The following GOLIM4 variants were observed in gnomAD, a reference collection of about 807,000 sequenced individuals.
GOLIM4 encodes the protein 130 kDa golgi-localized phosphoprotein.
Under a neutral mutation model 107.4 loss-of-function variants are expected in GOLIM4, and 71 were observed. That is an observed-to-expected ratio of 0.66 (90% CI 0.55 to 0.81). GOLIM4 has a LOEUF of 0.81. Ranked by LOEUF, GOLIM4 falls within the 30% of genes least tolerant of loss-of-function variation. GOLIM4 has a pLI of 0.00. For missense variants in GOLIM4, 830 were observed against 826.1 expected (o/e 1.00, Z -0.06); for synonymous variants, 327 against 294.8 (o/e 1.11, Z -1.12).
intron 6 of GOLIM4, 135 bp from the exon 7 acceptor site, chr3:168,041,004 A>T: frequency 1.6e-6 from 1 of 626,766 alleles, no homozygotes; most frequent in Non-Finnish European, 2.9e-6. Flanking sequence ...TAAGTTTAAA[A>T]ATCATCGTAG....
Position 168,029,846 on chromosome 3 carries a change from C to T in GOLIM4, c.1367G>A (p.Arg456Lys), listed in dbSNP as rs1359265834. 1 of 1,614,050 alleles carries T rather than the reference C, an allele frequency of 6.2e-7. No individual in the cohort carries two copies. Among genetic ancestry groups the T allele is most frequent in the Non-Finnish European group, 8.5e-7 (1 of 1,180,046 alleles). ...AGCCTGCCTCTGCAGGGCCATCTCT[C>T]TTGCCACCTGCTGCTGCTGCTGTTC... is the stretch of plus-strand genomic sequence containing the variant. ...QQEQQQQQVA[R>K]EMALQRQAEL... The change falls in exon 10 of 16, where the codon AGA becomes AAA. Residue 456 changes from arginine to lysine, a missense_variant. Coordinates refer to ENST00000470487, the MANE Select transcript of GOLIM4 (RefSeq NM_014498.5).
chr3:168,035,422 A>G (rs142642657), intron 8 of GOLIM4, among the ~76,000 whole-genome samples: 18 of 152,358 alleles, frequency 1.2e-4, no homozygotes, highest in Admixed American at 2.6e-4. Flanking sequence ...AGACTTTGAT[A>G]AAGAAAAATG....
At chr3:168,061,170 T>C (rs1448400599) in intron 1 of GOLIM4, among the ~76,000 whole-genome samples, 3 of 149,722 alleles carry the variant, frequency 2.0e-5, no homozygotes, top group African/African-American at 7.4e-5. Flanking sequence ...GGGCAAAGAA[T>C]AGGAACAGCC....
Position 168,029,942 on chromosome 3 carries a change from G to T in GOLIM4, c.1271C>A (p.Ala424Asp), listed in dbSNP as rs770988483. 6.2e-7 allele frequency: 1 copy of T among 1,614,126 alleles called. No individual in the cohort carries two copies. The highest frequency in any genetic ancestry group is 8.5e-7 in the Non-Finnish European group (1 of 1,180,016). ...QRLAVQQVEEAQQLREHQEAL... is the reference protein window; with the variant it reads ...QRLAVQQVEEDQQLREHQEAL... ...TTCCTGGTGTTCCCGCAGCTGCTGG[G>T]CCTCCTCCACCTGCTGCACTGCCAG... The change falls in exon 10 of 16, where the codon GCC becomes GAC. Residue 424 changes from alanine (A) to aspartate (D), a missense_variant. By Grantham distance (126) the Ala-to-Asp change is moderately radical. Coordinates refer to ENST00000470487, the MANE Select transcript of GOLIM4 (RefSeq NM_014498.5).
chr3:168,020,935 A>AAT (rs1267364958), intron 14 of GOLIM4, among the ~76,000 whole-genome samples: 4 of 152,210 alleles, frequency 2.6e-5, no homozygotes, highest in Non-Finnish European at 5.9e-5. Flanking sequence ...ATTCTTTTAT[A>AAT]ATGTAGACAT....
chr3:168,089,513 A>G (rs932975802), intron 1 of GOLIM4, among the ~76,000 whole-genome samples: 3 of 152,238 alleles, frequency 2.0e-5, no homozygotes, highest in Admixed American at 6.5e-5. Context: ...TGATTATTAC[A>G]TATGAATAGA....
rs1718687379 is a variant in GOLIM4 at position 168,036,984 on chromosome 3, G to A, written c.695C>T (p.Ala232Val). The part of the protein sequence containing the change: ...SALAAAQTQV[A>V]EYKQLKDTLN... ...AGTATCTTTCAGTTGTTTATATTCT[G>A]CAACTTGAGTCTGCATATAAATTGC... Residue 232 changes from alanine to valine, a missense_variant, in exon 8 of 16, where the codon GCA becomes GTA. Physicochemically the swap from Ala to Val is moderately conservative, Grantham distance 64. Coordinates refer to ENST00000470487, the MANE Select transcript of GOLIM4 (RefSeq NM_014498.5). 3.1e-6 allele frequency: 5 copies of A among 1,611,502 alleles called. No homozygotes were observed. The East Asian group carries it at 1.1e-4, about 36-fold the overall frequency.
At chr3:168,041,163 A>G (rs1322297315) in intron 6 of GOLIM4, 2 of 521,920 alleles carry the variant, frequency 3.8e-6, no homozygotes, top group Non-Finnish European at 6.8e-6. Flanking sequence ...TTAATATGTA[A>G]CTAGCATGAG....
intron 1 of GOLIM4, among the ~76,000 whole-genome samples, chr3:168,050,410 A>G (rs1415624378): frequency 1.3e-5 from 2 of 152,200 alleles, no homozygotes; most frequent in African/African-American, 2.4e-5. Flanking sequence ...GGAAAGTGTA[A>G]GATTAGCCCT....
At chr3:168,043,553 GA>G in intron 4 of GOLIM4, 24 bp from the exon 5 acceptor site, 1 of 1,575,408 alleles carries the variant, frequency 6.3e-7, no homozygotes, top group Non-Finnish European at 8.6e-7. Context: ...AACTTGAGTA[GA>G]AATATACATT....
intron 1 of GOLIM4, among the ~76,000 whole-genome samples, chr3:168,092,398 A>T (rs151233571): frequency 6.6e-6 from 1 of 152,298 alleles, no homozygotes; most frequent in East Asian, 1.9e-4. Flanking sequence ...TCTTCTAGTT[A>T]TGGGGCTCTT....
Position 168,032,548 on chromosome 3 carries a change from T to G in GOLIM4, c.1148A>C (p.Asn383Thr). ...AGCACGCGCGTGCCCTTCCAGGAGG[T>G]TGGCTGCTTCTCGTTGCTCATGCTG... Reference protein sequence around the residue: ...KEQHEQREAANLLEGHARAEV... With the variant: ...KEQHEQREAATLLEGHARAEV... Residue 383 changes from asparagine to threonine, a missense_variant, in exon 9 of 16, where the codon AAC (asparagine) becomes ACC (threonine). By Grantham distance (65) the Asn-to-Thr change is moderately conservative. Transcript: ENST00000470487. The G allele has an allele frequency of 6.2e-7, 1 of 1,613,982 alleles. No individual in the cohort carries two copies. The highest frequency in any genetic ancestry group is 8.5e-7 in the Non-Finnish European group (1 of 1,179,990).
chr3:168,055,801 C>CA (rs35124035), intron 1 of GOLIM4, among the ~76,000 whole-genome samples: 8,198 of 103,920 alleles, frequency 0.079, 408 homozygotes, highest in African/African-American at 0.11. Flanking sequence ...GACTCTGTCT[C>CA]AAAAAAAAAA....
rs1337783702 is a variant in GOLIM4, at chr3:168,010,328, C to T, written c.2032G>A (p.Glu678Lys). Residue 678 changes from glutamate to lysine, a missense_variant, in exon 16 of 16, where the codon GAG (glutamate) becomes AAG (lysine). Transcript: ENST00000470487. ...ACTGCAGCCCCGTCTTCTTCCTCCT[C>T]TTCTTCCTCCTCGTAGTGTTCCTCT... The part of the protein sequence containing the change: ...GREEHYEEEE[E>K]EEEDGAAVAE... The T allele has an allele frequency of 6.2e-7, 1 of 1,614,012 alleles. No homozygotes were observed. The highest frequency in any genetic ancestry group is 1.1e-5 in the South Asian group (1 of 91,062).
chr3:168,010,868 G>A (rs1460495387), intron 14 of GOLIM4, 45 bp from the exon 15 acceptor site: 1 of 1,231,778 alleles, frequency 8.1e-7, no homozygotes, highest in Non-Finnish European at 1.2e-6. Flanking sequence ...TGTCTTTCAA[G>A]CACTTGCGAT....
chr3:168,044,901 AAG>A lies in GOLIM4; in HGVS notation c.313-22_313-21del. 1.4e-6 allele frequency: 2 copies of A among 1,438,188 alleles called. No homozygotes were observed. Among genetic ancestry groups the A allele is most frequent in the Non-Finnish European group, 1.9e-6 (2 of 1,047,378 alleles). 89.1% of individuals were successfully genotyped at this position (1,438,188 alleles called of 1,614,324 possible). ...ATCTTGCTGTAAATCAAAAAAAAAA[AAG>A]AAAACACAAAGATAAATATGGCTCT... On this transcript the variant is annotated intron_variant, in intron 3 of 15. Transcript: ENST00000470487.
chr3:168,029,514 T>C (rs555390716), intron 10 of GOLIM4, among the ~76,000 whole-genome samples: 1 of 152,276 alleles, frequency 6.6e-6, no homozygotes, highest in Non-Finnish European at 1.5e-5. Context: ...AGATAAAATA[T>C]CTTTTAAAGA....
intron 1 of GOLIM4, 115 bp downstream of exon 1, chr3:168,094,984 T>TTCAG: frequency 9.6e-6 from 7 of 728,542 alleles, no homozygotes; most frequent in Non-Finnish European, 9.2e-6. Context: ...CTGACGTCCC[T>TTCAG]GAAGGTCAGA....
At chr3:168,015,585 C>G (rs1358687625) in intron 14 of GOLIM4, among the ~76,000 whole-genome samples, 7 of 136,932 alleles carry the variant, frequency 5.1e-5, no homozygotes, top group Admixed American at 2.1e-4. Flanking sequence ...ATCGCCAAGT[C>G]AATCCTAAGC....
Sources: allele counts gnomAD v4.1 joint callset (sites outside exome capture counted in the v4.1 genomes callset), GRCh38; gene constraint gnomAD v4.1.1; transcripts MANE v1.5; gene names NCBI Gene and HGNC (gene_info 2026-07-23, HGNC 2026-07-21).